Variants in TENM3 observed in about 807,000 individuals in gnomAD.
The protein encoded by TENM3 is teneurin-3.
A neutral mutation model predicts 255.1 loss-of-function variants in TENM3; 63 were observed. The ratio of observed to expected loss-of-function variants is 0.25; its 90% CI spans 0.20 to 0.30. The LOEUF is 0.30. Ranked by LOEUF, TENM3 falls within the 10% of genes least tolerant of loss-of-function variation. TENM3 has a pLI of 1.00. For synonymous variants in TENM3, 1,306 were observed against 1,322.3 expected (o/e 0.99, Z 0.27); for missense variants, 2,929 against 3,461.1 (o/e 0.85, Z 3.86).
chr4:181,792,945 C>T, the TENM3 span, among the ~76,000 whole-genome samples: 1 of 151,824 alleles, frequency 6.6e-6, no homozygotes, highest in African/African-American at 2.4e-5. Context: ...AAGGTCATAG[C>T]CCTTGAAGTT....
chr4:181,994,377 A>C, the TENM3 span, among the ~76,000 whole-genome samples: 1 of 152,186 alleles, frequency 6.6e-6, no homozygotes, highest in East Asian at 1.9e-4. Context: ...TCATTGTTTT[A>C]AATAAGTAAT....
chr4:182,647,660 A>G (rs1752874094), intron 5 of TENM3, among the ~76,000 whole-genome samples: 1 of 152,118 alleles, frequency 6.6e-6, no homozygotes, highest in Non-Finnish European at 1.5e-5. Flanking sequence ...CCTCTTGACT[A>G]TTGTGAATAG....
chr4:181,776,079 A>G, the TENM3 span, among the ~76,000 whole-genome samples: 2 of 152,120 alleles, frequency 1.3e-5, no homozygotes, highest in East Asian at 3.9e-4. Flanking sequence ...CACCTCCCCA[A>G]CACACCTTTT....
intron 3 of TENM3, among the ~76,000 whole-genome samples, chr4:182,462,230 A>C (rs916220334): frequency 1.3e-5 from 2 of 151,882 alleles, no homozygotes; most frequent in African/African-American, 2.4e-5. Flanking sequence ...GCCAATTTTT[A>C]AATTTTCAGT....
At chr4:182,727,464 A>AAAAAAAAAC (rs397996501) in intron 13 of TENM3, among the ~76,000 whole-genome samples, 1 of 151,626 alleles carries the variant, frequency 6.6e-6, no homozygotes, top group African/African-American at 2.4e-5. Context: ...TCAAAAAAAA[A>AAAAAAAAAC]GAAAGAAAAA....
the TENM3 span, among the ~76,000 whole-genome samples, chr4:181,993,129 G>A: frequency 6.6e-6 from 1 of 152,088 alleles, no homozygotes; most frequent in Admixed American, 6.6e-5. Context: ...TATGAAAAAT[G>A]CCAAAAACAT....
chr4:181,582,475 CCAAA>C, the TENM3 span, among the ~76,000 whole-genome samples: 115 of 152,006 alleles, frequency 7.6e-4, no homozygotes, highest in African/African-American at 2.3e-3. Context: ...TGACTTTAAA[CCAAA>C]CAAACAGTCT....
chr4:181,625,797 G>C, the TENM3 span, among the ~76,000 whole-genome samples: 2 of 149,006 alleles, frequency 1.3e-5, no homozygotes, highest in Admixed American at 1.3e-4. Context: ...CTGGGCGACA[G>C]AGCAAGACTC....
chr4:182,236,121 C>T (rs2150040230), intron 1 of TENM3, among the ~76,000 whole-genome samples: 1 of 152,244 alleles, frequency 6.6e-6, no homozygotes, highest in Non-Finnish European at 1.5e-5. Flanking sequence ...GTCTAACCAA[C>T]CAAAAGCTTC....
intron 3 of TENM3, among the ~76,000 whole-genome samples, chr4:182,400,263 G>C (rs1428002176): frequency 6.6e-6 from 1 of 152,148 alleles, no homozygotes. Flanking sequence ...GATTTGAACA[G>C]CCTTCTAAAA....
intron 3 of TENM3, among the ~76,000 whole-genome samples, chr4:182,405,611 A>C (rs1769513172): frequency 6.6e-6 from 1 of 152,218 alleles, no homozygotes; most frequent in Admixed American, 6.5e-5. Context: ...GTGTCAAGCT[A>C]GGTCCTAGGT....
chr4:181,524,920 G>T, the TENM3 span, among the ~76,000 whole-genome samples: 1 of 152,156 alleles, frequency 6.6e-6, no homozygotes, highest in African/African-American at 2.4e-5. Context: ...ATTGTGGTTT[G>T]CCAAGCTTTA....
the TENM3 span, among the ~76,000 whole-genome samples, chr4:181,809,605 C>A: frequency 9.7e-3 from 1,482 of 152,272 alleles, 22 homozygotes; most frequent in African/African-American, 0.033. Flanking sequence ...ACACATTTCA[C>A]TTATGAAGGT....
At chr4:182,621,692 ATAT>A (rs1561016219) in intron 4 of TENM3, among the ~76,000 whole-genome samples, 3 of 12,236 alleles carry the variant, frequency 2.5e-4, no homozygotes, top group Non-Finnish European at 4.8e-4. Flanking sequence ...TATATAATAT[ATAT>A]TATATATAAA....
At chr4:182,113,989 A>G in the TENM3 span, among the ~76,000 whole-genome samples, 1 of 152,294 alleles carries the variant, frequency 6.6e-6, no homozygotes, top group African/African-American at 2.4e-5. Flanking sequence ...GGAAAATACC[A>G]AAGAATGTCC....
At chr4:182,456,207 A>AGT (rs549825904) in intron 3 of TENM3, among the ~76,000 whole-genome samples, 1 of 152,204 alleles carries the variant, frequency 6.6e-6, no homozygotes, top group Non-Finnish European at 1.5e-5. Flanking sequence ...GATAAGGCTG[A>AGT]GTATCCCTGT....
the TENM3 span, among the ~76,000 whole-genome samples, chr4:181,462,267 C>A: frequency 1.3e-5 from 2 of 152,110 alleles, no homozygotes; most frequent in Admixed American, 6.6e-5. Context: ...GCCTCTTATT[C>A]ATGTATAAAT....
At chr4:181,598,960 C>A in the TENM3 span, among the ~76,000 whole-genome samples, 1 of 152,050 alleles carries the variant, frequency 6.6e-6, no homozygotes, top group African/African-American at 2.4e-5. Flanking sequence ...CTTTTACTTA[C>A]CTTGCCCTTT....
the TENM3 span, among the ~76,000 whole-genome samples, chr4:181,962,382 A>G: frequency 3.9e-5 from 6 of 152,192 alleles, no homozygotes; most frequent in South Asian, 4.1e-4. Context: ...CCTGTAACTC[A>G]GGGTCTGCCC....
Sources: gnomAD v4.1 joint callset for allele counts (sites outside exome capture counted in the v4.1 genomes callset) on GRCh38, gnomAD v4.1.1 for gene constraint, MANE v1.5 for transcripts, NCBI Gene and HGNC (gene_info 2026-07-23, HGNC 2026-07-21) for gene names.